SLC5A10: variants seen among roughly 807,000 people sequenced by gnomAD.
SLC5A10 encodes the protein sodium/mannose cotransporter SLC5A10.
SLC5A10 carries 55 observed loss-of-function variants against 68.9 expected under a neutral mutation model. That is an observed-to-expected ratio of 0.80 (90% CI 0.64 to 1.00). The LOEUF (loss-of-function observed/expected upper bound fraction) is 1.00, where lower values mean the gene tolerates loss of function less well. SLC5A10 is among the 50% of genes least tolerant of loss of function. The pLI is 0.00. For synonymous variants in SLC5A10, 344 were observed against 344.8 expected, an observed-to-expected ratio of 1.00 and a Z score of 0.02; for missense variants, 732 against 819.3, an observed-to-expected ratio of 0.89 and a Z score of 1.30.
Position 19,004,775 on chromosome 17 carries a change from G to A in SLC5A10, c.983-8635G>A, listed in dbSNP as rs1172819196. On this transcript the variant is annotated intron_variant, in intron 9 of 14. Coordinates refer to ENST00000395645, the MANE Select transcript of SLC5A10 (RefSeq NM_001042450.4). This position sits in a 1 kb window ranked among gnomAD's most constrained non-coding sequence, Gnocchi z 5.4. ...CGGCGGCGGCGCGAGGCTGGGCGGG[G>A]GCGCGCCGGTGACTCAGGGCCGCCC... 1 of 150,300 alleles carries A rather than the reference G, an allele frequency of 6.7e-6. No homozygotes were observed. Among genetic ancestry groups the A allele is most frequent in the Non-Finnish European group, 1.5e-5 (1 of 67,292 alleles). 9.3% of individuals were successfully genotyped at this position (150,300 alleles called of 1,614,324 possible). A position where few individuals can be genotyped will look rare whatever the true frequency, so the allele number is the denominator to read the frequency against.
chr17:18,977,551 C>T (rs146085023), intron 9 of SLC5A10: 108 of 1,584,842 alleles, frequency 6.8e-5, no homozygotes, highest in Non-Finnish European at 8.7e-5. Context: ...GGGAGGGACT[C>T]GTGACCCCTG....
intron 12 of SLC5A10, 28 bp from the exon 13 acceptor site, chr17:19,019,685 C>T: frequency 6.2e-7 from 1 of 1,604,538 alleles, no homozygotes; most frequent in Non-Finnish European, 8.5e-7. Flanking sequence ...TCCCGTAGCC[C>T]CACATGCCCT....
chr17:19,011,406 C>A (rs977292603), intron 9 of SLC5A10, among the ~76,000 whole-genome samples: 3 of 152,134 alleles, frequency 2.0e-5, no homozygotes, highest in African/African-American at 7.2e-5. Flanking sequence ...ACAAGCAGGT[C>A]AGGGTGGCTC....
chr17:18,978,951 G>T, intron 9 of SLC5A10: 1 of 1,356,522 alleles, frequency 7.4e-7, no homozygotes. Context: ...GTGGCCACAG[G>T]GCCCTGGGAT....
chr17:19,003,229 CT>C lies in SLC5A10; in HGVS notation c.983-10180del, dbSNP rs1255496372. On this transcript the variant is annotated intron_variant, in intron 9 of 14. Coordinates refer to ENST00000395645, the MANE Select transcript of SLC5A10 (RefSeq NM_001042450.4). This position sits in a 1 kb window ranked among gnomAD's most constrained non-coding sequence, Gnocchi z 4.5. ...TCCTCCCCTCCCCACTCCACCCTAT[CT>C]CGGTGCCTTCTTCTGGGGAACCAGA... is the stretch of plus-strand genomic sequence containing the variant. 6.6e-6 allele frequency among the ~76,000 whole-genome samples: 1 copy of C among 151,302 alleles called. No individual in the cohort carries two copies. The highest frequency in any genetic ancestry group is 1.5e-5 in the Non-Finnish European group (1 of 67,776).
intron 10 of SLC5A10, among the ~76,000 whole-genome samples, chr17:19,013,959 A>G (rs1462519054): frequency 6.6e-6 from 1 of 152,082 alleles, no homozygotes; most frequent in Non-Finnish European, 1.5e-5. Flanking sequence ...GGGTGGAGAA[A>G]TGTTTTGGGG....
chr17:18,978,543 C>T, intron 9 of SLC5A10: 1 of 1,613,220 alleles, frequency 6.2e-7, no homozygotes, highest in Non-Finnish European at 8.5e-7. Flanking sequence ...CCTTTCAGCC[C>T]CAGGGGCTTC....
chr17:19,009,657 G>A (rs1021083392), intron 9 of SLC5A10, among the ~76,000 whole-genome samples: 8 of 152,178 alleles, frequency 5.3e-5, no homozygotes, highest in Non-Finnish European at 1.2e-4. Flanking sequence ...TCAAGGGACT[G>A]TGTCCAGTGA....
chr17:18,988,454 C>A lies in SLC5A10; in HGVS notation c.982+11465C>A, dbSNP rs756664441. On this transcript the variant is annotated intron_variant, in intron 9 of 14. Coordinates refer to ENST00000395645, the MANE Select transcript of SLC5A10 (RefSeq NM_001042450.4). ...AGAGACTAGGGCCTGTCAGACAGTG[C>A]AGCAGTGGGGACAGGGTGCCCTGGC... is the stretch of plus-strand genomic sequence containing the variant. 4 of 1,603,206 alleles carry A rather than the reference C, an allele frequency of 2.5e-6. No individual in the cohort carries two copies. The East Asian group carries it at 9.0e-5, about 36-fold the overall frequency.
At chr17:18,984,899 A>G (rs1440269203) in intron 9 of SLC5A10, among the ~76,000 whole-genome samples, 2 of 152,248 alleles carry the variant, frequency 1.3e-5, no homozygotes, top group Non-Finnish European at 2.9e-5. Context: ...GGGGCCGGCC[A>G]GGGCAACCGG....
chr17:18,971,244 C>T lies in SLC5A10; in HGVS notation c.846+26C>T, dbSNP rs1435285639. Reference sequence around the variant, plus strand: ...GTGAGTGCCAACGTCTCCCGCCCATCCCACCTTCCTGCCGTCCCAGTGGGC... The same window carrying T: ...GTGAGTGCCAACGTCTCCCGCCCATTCCACCTTCCTGCCGTCCCAGTGGGC... On this transcript the variant is annotated intron_variant, in intron 8 of 14. Transcript: ENST00000395645. This position sits in a 1 kb window ranked among gnomAD's most constrained non-coding sequence, Gnocchi z 5.5. 4 of 1,612,770 alleles carry T rather than the reference C, an allele frequency of 2.5e-6. No homozygotes were observed. The highest frequency in any genetic ancestry group is 1.1e-5 in the South Asian group (1 of 91,068).
intron 10 of SLC5A10, among the ~76,000 whole-genome samples, chr17:19,014,134 G>A (rs1300136972): frequency 2.0e-5 from 3 of 152,188 alleles, no homozygotes; most frequent in African/African-American, 7.2e-5. Flanking sequence ...CGGGCAGGGG[G>A]GCCTATGTCA....
intron 9 of SLC5A10, chr17:18,978,702 C>G: frequency 6.2e-7 from 1 of 1,612,970 alleles, no homozygotes; most frequent in Non-Finnish European, 8.5e-7. Flanking sequence ...GGCTCCGGCT[C>G]CGGTTCCTTC....
At chr17:18,969,277 TTCCTCCCCGTGTCCC>T in intron 6 of SLC5A10, 50 bp from the exon 7 acceptor site, 2 of 1,584,936 alleles carry the variant, frequency 1.3e-6, no homozygotes, top group Admixed American at 3.4e-5. Flanking sequence ...GCCCCAGAAG[TTCCTCCCCGTGTCCC>T]TCCTCCCTGG....
At chr17:19,010,891 G>A (rs2043999381) in intron 9 of SLC5A10, among the ~76,000 whole-genome samples, 1 of 152,214 alleles carries the variant, frequency 6.6e-6, no homozygotes, top group African/African-American at 2.4e-5. Context: ...TGGGGGTAGA[G>A]GTGGTAGGGT....
At chr17:18,969,589 T>C in intron 7 of SLC5A10, 167 bp downstream of exon 7, 1 of 611,984 alleles carries the variant, frequency 1.6e-6, no homozygotes, top group Non-Finnish European at 2.8e-6. Context: ...GCCCCCCTGC[T>C]GGCCCCTCAG....
intron 9 of SLC5A10, chr17:18,979,319 CA>C: frequency 1.7e-6 from 1 of 591,448 alleles, no homozygotes; most frequent in Non-Finnish European, 2.9e-6. Context: ...GGCCACACCC[CA>C]CCTCCAGGCC....
chr17:18,954,362 C>T (rs962636792), intron 1 of SLC5A10, among the ~76,000 whole-genome samples: 9 of 152,196 alleles, frequency 5.9e-5, no homozygotes, highest in African/African-American at 1.2e-4. Context: ...GTGACTTGGG[C>T]CACCAGCCCT....
chr17:18,996,083 CA>C lies in SLC5A10; in HGVS notation c.983-17326del, dbSNP rs914977991. Among the ~76,000 whole-genome samples, 30 of 150,278 alleles carry C rather than the reference CA, an allele frequency of 2.0e-4. 1 individual carries two copies. The highest frequency in any genetic ancestry group is 2.0e-3 in the Admixed American group (30 of 15,060). ...GGAACAAAGTAAGTGGACTTCTCAT[CA>C]GAATCACTGCAAGCCACAAGACAAC... On this transcript the variant is annotated intron_variant, in intron 9 of 14. Coordinates refer to ENST00000395645, the MANE Select transcript of SLC5A10 (RefSeq NM_001042450.4). The surrounding 1 kb of genome is among the most constrained non-coding windows in gnomAD (Gnocchi z 4.4).
Sources: allele counts gnomAD v4.1 joint callset (sites outside exome capture counted in the v4.1 genomes callset), GRCh38; gene constraint gnomAD v4.1.1; non-coding constraint Gnocchi (gnomAD v3.1); transcripts MANE v1.5; gene names NCBI Gene and HGNC (gene_info 2026-07-23, HGNC 2026-07-21).